KLHL1: variants seen among roughly 807,000 people sequenced by gnomAD.
KLHL1 encodes the protein kelch like family member 1.
A neutral mutation model predicts 77.7 loss-of-function variants in KLHL1; 47 were observed. The observed-to-expected ratio is 0.60, with a 90% CI of 0.48 to 0.77. KLHL1 has a LOEUF of 0.77. Ranked by LOEUF, KLHL1 falls within the 30% of genes least tolerant of loss-of-function variation. The pLI, the probability that KLHL1 is intolerant of heterozygous loss-of-function variation, is 0.00. For synonymous variants in KLHL1, 360 were observed against 325.2 expected (o/e 1.11, Z -1.15); for missense variants, 925 against 910.8 (o/e 1.02, Z -0.20).
intron 1 of KLHL1, among the ~76,000 whole-genome samples, chr13:70,072,636 C>T (rs1409597373): frequency 6.6e-6 from 1 of 151,874 alleles, no homozygotes. Context: ...GATGCTTTGT[C>T]ATTCAGAAAA....
chr13:69,986,364 T>G (rs1261965120), intron 1 of KLHL1, among the ~76,000 whole-genome samples: 2 of 152,032 alleles, frequency 1.3e-5, no homozygotes, highest in Admixed American at 6.6e-5. Context: ...GACAAGTGCT[T>G]GAAGTGATGG....
rs536232025 is a variant in KLHL1, at chr13:69,798,626, TTATTA to T, written c.1415-1669_1415-1665del. On this transcript the variant is annotated intron_variant, in intron 6 of 10. Coordinates refer to ENST00000377844, the MANE Select transcript of KLHL1 (RefSeq NM_020866.3). ...AGATGTATTTTATATTTTAATATAT[TTATTA>T]TATTGGATATTGAATGTTTTATTCA... 7.9e-5 allele frequency among the ~76,000 whole-genome samples: 12 copies of T among 152,096 alleles called. 1 individual carries two copies. In the South Asian group the frequency reaches 1.4e-3, roughly 18 times the overall value.
At chr13:69,995,100 A>G (rs929324926) in intron 1 of KLHL1, among the ~76,000 whole-genome samples, 9 of 152,132 alleles carry the variant, frequency 5.9e-5, no homozygotes, top group African/African-American at 1.9e-4. Flanking sequence ...ATTGTAATAT[A>G]GCAGCATTCA....
intron 5 of KLHL1, among the ~76,000 whole-genome samples, chr13:69,857,393 A>C (rs1425982054): frequency 6.6e-6 from 1 of 152,034 alleles, no homozygotes; most frequent in African/African-American, 2.4e-5. Flanking sequence ...ATGTAGTCGC[A>C]CATATTTATT....
chr13:69,769,814 A>G (rs1423908319), intron 7 of KLHL1, among the ~76,000 whole-genome samples: 1 of 152,052 alleles, frequency 6.6e-6, no homozygotes, highest in Admixed American at 6.6e-5. Flanking sequence ...ACTCTCCGGT[A>G]TTCACGTACC....
chr13:70,095,979 C>G (rs888144939), intron 1 of KLHL1, among the ~76,000 whole-genome samples: 3 of 152,054 alleles, frequency 2.0e-5, no homozygotes, highest in African/African-American at 7.2e-5. Context: ...TTTCACCTAA[C>G]ATAAGGCCAT....
At chr13:70,052,263 G>A (rs1341257589) in intron 1 of KLHL1, among the ~76,000 whole-genome samples, 1 of 151,150 alleles carries the variant, frequency 6.6e-6, no homozygotes, top group African/African-American at 2.4e-5. Context: ...CTCTTTTAAG[G>A]AACAAATCAT....
chr13:69,959,443 T>C (rs1197258429), intron 3 of KLHL1, among the ~76,000 whole-genome samples: 1 of 151,908 alleles, frequency 6.6e-6, no homozygotes, highest in Non-Finnish European at 1.5e-5. Context: ...TGTTTCAGGT[T>C]GTATGCAAAT....
chr13:69,738,360 T>G (rs1301243063), intron 8 of KLHL1, among the ~76,000 whole-genome samples: 1 of 152,066 alleles, frequency 6.6e-6, no homozygotes, highest in Non-Finnish European at 1.5e-5. Context: ...GATAGCAACA[T>G]GTCTCCAGCA....
At chr13:70,071,328 A>G (rs1887133191) in intron 1 of KLHL1, among the ~76,000 whole-genome samples, 1 of 152,102 alleles carries the variant, frequency 6.6e-6, no homozygotes, top group Non-Finnish European at 1.5e-5. Context: ...TCCTTTATAT[A>G]TATGTACCTA....
intron 4 of KLHL1, among the ~76,000 whole-genome samples, chr13:69,900,190 G>A (rs558872292): frequency 1.2e-4 from 19 of 152,004 alleles, no homozygotes; most frequent in East Asian, 1.2e-3. Flanking sequence ...ATAAAATTTC[G>A]GATTCATTGG....
chr13:69,787,809 A>G (rs1283687932), intron 7 of KLHL1, among the ~76,000 whole-genome samples: 3 of 151,780 alleles, frequency 2.0e-5, no homozygotes, highest in Non-Finnish European at 2.9e-5. Flanking sequence ...CAAATTTACA[A>G]GAAAAAAACA....
chr13:70,000,904 G>A (rs965851601), intron 1 of KLHL1, among the ~76,000 whole-genome samples: 3 of 145,474 alleles, frequency 2.1e-5, no homozygotes, highest in Admixed American at 1.4e-4. Context: ...ATAGAAAAAA[G>A]CAAAGATAAA....
intron 1 of KLHL1, among the ~76,000 whole-genome samples, chr13:70,052,711 T>C (rs1886657480): frequency 6.6e-6 from 1 of 151,938 alleles, no homozygotes; most frequent in Admixed American, 6.6e-5. Flanking sequence ...TTTTGTTCCC[T>C]CTAAAACAGG....
intron 7 of KLHL1, among the ~76,000 whole-genome samples, chr13:69,782,936 A>G (rs1422223495): frequency 6.6e-6 from 1 of 152,190 alleles, no homozygotes; most frequent in Non-Finnish European, 1.5e-5. Flanking sequence ...GACACCTCAC[A>G]TGGCCGGGTA....
rs1255247480 is a variant in KLHL1, at chr13:69,882,288, G to T, written c.1222C>A (p.Pro408Thr). 9.3e-6 allele frequency: 15 copies of T among 1,606,666 alleles called. No homozygotes were observed. The Admixed American group carries it at 2.3e-4, about 25-fold the overall frequency. ...ACAGCGTCACACATCATTACCTGTG[G>T]TGGAAGCAGTGGCAGTCTTATAAAG... ...LAFIRLPLLP[P>T]QILADLENHA... The change falls in exon 5 of 11, where the codon CCA (proline) becomes ACA (threonine). Residue 408 changes from proline (P) to threonine (T), a missense_variant. Coordinates refer to ENST00000377844, the MANE Select transcript of KLHL1 (RefSeq NM_020866.3).
chr13:69,953,794 G>C (rs1408871158), intron 3 of KLHL1, among the ~76,000 whole-genome samples: 1 of 151,052 alleles, frequency 6.6e-6, no homozygotes, highest in Admixed American at 6.6e-5. Context: ...TGATTGATAA[G>C]CAAAGTGAAT....
At chr13:70,029,125 G>A (rs569404356) in intron 1 of KLHL1, among the ~76,000 whole-genome samples, 1 of 152,168 alleles carries the variant, frequency 6.6e-6, no homozygotes, top group Non-Finnish European at 1.5e-5. Context: ...TGTTGAGTGT[G>A]TGTATGTGTG....
intron 10 of KLHL1, among the ~76,000 whole-genome samples, chr13:69,702,134 A>T (rs1464297534): frequency 2.0e-5 from 3 of 151,750 alleles, no homozygotes; most frequent in Non-Finnish European, 4.4e-5. Flanking sequence ...TGAAATAGCT[A>T]TTACACTTAC....
Sources: allele counts gnomAD v4.1 joint callset (sites outside exome capture counted in the v4.1 genomes callset), GRCh38; gene constraint gnomAD v4.1.1; transcripts MANE v1.5; gene names NCBI Gene and HGNC (gene_info 2026-07-23, HGNC 2026-07-21).